Variants in TNN observed in about 807,000 individuals in gnomAD.
TNN encodes the protein tenascin N, also known as tenascin-N.
In TNN, 122 loss-of-function variants were observed where a neutral mutation model predicts 134.4. The ratio of observed to expected loss-of-function variants is 0.91; its 90% CI spans 0.78 to 1.06. TNN has a LOEUF of 1.06. Ranked by LOEUF, TNN falls within the 50% of genes least tolerant of loss-of-function variation. The probability of loss-of-function intolerance (pLI) is 0.00; values close to 1 mark genes in which losing one functional copy is unlikely to be tolerated. For missense variants in TNN, 1,739 were observed against 1,699.4 expected, an observed-to-expected ratio of 1.02 and a Z score of -0.41; for synonymous variants, 710 against 670.3, an observed-to-expected ratio of 1.06 and a Z score of -0.91.
At chr1:175,093,412 T>C (rs1334595256) in intron 6 of TNN, among the ~76,000 whole-genome samples, 1 of 152,250 alleles carries the variant, frequency 6.6e-6, no homozygotes, top group East Asian at 1.9e-4. Flanking sequence ...TTGACTGTTT[T>C]GCTCATTGAT....
chr1:175,126,721 T>C (rs921010364), intron 12 of TNN, among the ~76,000 whole-genome samples: 2 of 152,172 alleles, frequency 1.3e-5, no homozygotes, highest in Admixed American at 6.5e-5. Context: ...CCCAGATTCC[T>C]TTCCTCTGGG....
chr1:175,114,690 T>C (rs1253309823), intron 9 of TNN, among the ~76,000 whole-genome samples: 2 of 152,098 alleles, frequency 1.3e-5, no homozygotes, highest in Non-Finnish European at 2.9e-5. Flanking sequence ...TTTGTAACTG[T>C]AATTCTACCC....
intron 6 of TNN, among the ~76,000 whole-genome samples, chr1:175,089,699 C>T (rs897590603): frequency 3.9e-5 from 6 of 152,170 alleles, no homozygotes; most frequent in Non-Finnish European, 8.8e-5. Context: ...GTGTATAAAA[C>T]AAAGCATGCT....
At chr1:175,127,128 G>T in intron 13 of TNN, 43 bp downstream of exon 13, 1 of 1,596,604 alleles carries the variant, frequency 6.3e-7, no homozygotes, top group Non-Finnish European at 8.5e-7. Context: ...CTTCTCTTCT[G>T]TGTGAAGCAA....
At position 175,083,943 on chromosome 1, in the gene TNN, C is replaced by A. The variant is rs995396538; in HGVS notation, c.1234+8C>A. 1.9e-6 allele frequency: 3 copies of A among 1,612,818 alleles called. No homozygotes were observed. Among genetic ancestry groups the A allele is most frequent in the African/African-American group, 2.7e-5 (2 of 74,894 alleles). ...GCCGATATGACATCACTGGTAAGAG[C>A]CATCACTGGAATGTGAGATGTATGC... On this transcript the variant is annotated splice_region_variant and intron_variant, in intron 5 of 18. Transcript: ENST00000239462.
rs150358275 is a variant in TNN at position 175,106,168 on chromosome 1, C to T, written c.2119+7573C>T. ...CCCTTACTGACGCATTCTCAAAAAC[C>T]TGTTAGAGTCCTAAGCATTCTCCTG... is the stretch of plus-strand genomic sequence containing the variant. On this transcript the variant is annotated intron_variant, in intron 9 of 18. Coordinates refer to ENST00000239462, the MANE Select transcript of TNN (RefSeq NM_022093.2). Among the ~76,000 whole-genome samples the T allele has an allele frequency of 9.8e-3, 1,421 of 145,586 alleles. 122 individuals carry two copies. The highest frequency in any genetic ancestry group is 0.033 in the African/African-American group (1,316 of 40,460).
At chr1:175,074,484 G>GAAAAAA (rs55952749) in intron 1 of TNN, among the ~76,000 whole-genome samples, 16 of 119,042 alleles carry the variant, frequency 1.3e-4, no homozygotes, top group East Asian at 5.9e-4. Flanking sequence ...GATCCTGTCT[G>GAAAAAA]AAAAAAAAAA....
intron 7 of TNN, among the ~76,000 whole-genome samples, chr1:175,096,541 A>G (rs911846926): frequency 6.6e-6 from 1 of 152,194 alleles, no homozygotes; most frequent in African/African-American, 2.4e-5. Context: ...CAAAAAGTAC[A>G]GCCTTTTTTG....
At chr1:175,085,109 A>G (rs1222412821) in intron 5 of TNN, among the ~76,000 whole-genome samples, 2 of 152,236 alleles carry the variant, frequency 1.3e-5, no homozygotes, top group African/African-American at 4.8e-5. Context: ...AAAATTGGGA[A>G]ATAAGTGCTA....
rs182989255 is a variant in TNN at position 175,118,452 on chromosome 1, C to T, written c.2387-109C>T. ...AAAAATGAAACAAGAGCATATGAGG[C>T]GGAAACCCCACACAACATGAAAGGG... On this transcript the variant is annotated intron_variant, in intron 10 of 18. Coordinates refer to ENST00000239462, the MANE Select transcript of TNN (RefSeq NM_022093.2). The T allele has an allele frequency of 9.8e-6, 13 of 1,333,306 alleles. No homozygotes were observed. The Admixed American group carries it at 2.0e-4, about 20-fold the overall frequency. The allele number at this position is 1,333,306 out of a possible 1,614,324, so 82.6% of individuals were successfully genotyped here.
At chr1:175,137,843 C>T (rs542898443) in intron 17 of TNN, among the ~76,000 whole-genome samples, 1 of 152,282 alleles carries the variant, frequency 6.6e-6, no homozygotes, top group African/African-American at 2.4e-5. Flanking sequence ...TAAGACATGG[C>T]GGTCTCTCTC....
At chr1:175,137,267 C>T (rs1178145653) in intron 17 of TNN, among the ~76,000 whole-genome samples, 1 of 151,878 alleles carries the variant, frequency 6.6e-6, no homozygotes, top group Non-Finnish European at 1.5e-5. Flanking sequence ...GGCTGTTGTA[C>T]ATTAGCTGAT....
At chr1:175,082,378 C>G (rs1003108537) in intron 4 of TNN, among the ~76,000 whole-genome samples, 1 of 152,226 alleles carries the variant, frequency 6.6e-6, no homozygotes, top group African/African-American at 2.4e-5. Flanking sequence ...ACAAGAGGTA[C>G]TCATCCCCAC....
At chr1:175,071,845 T>C (rs1034885254) in intron 1 of TNN, among the ~76,000 whole-genome samples, 1 of 152,228 alleles carries the variant, frequency 6.6e-6, no homozygotes, top group Admixed American at 6.5e-5. Context: ...GTCCATTATC[T>C]AATAAGCACA....
At position 175,127,079 on chromosome 1, in the gene TNN, AGT is replaced by A; in HGVS notation, c.3040_3041del (p.Val1014Ter). The A allele has an allele frequency of 1.9e-6, 3 of 1,613,710 alleles. No individual in the cohort carries two copies. Among genetic ancestry groups the A allele is most frequent in the Non-Finnish European group, 2.5e-6 (3 of 1,179,864 alleles). The part of the protein sequence containing the change: ...ILTYQFPDGT[V>X]KEMQLGREDQ... The stretch of plus-strand genomic sequence containing the variant: ...TGACTTACCAGTTCCCAGATGGCAC[AGT>A]TAAGGTACGGGGATTCCTTGTCTTT... On this transcript the variant is annotated frameshift_variant, in exon 13 of 19. Coordinates refer to ENST00000239462, the MANE Select transcript of TNN (RefSeq NM_022093.2). LOFTEE classifies it high-confidence loss of function.
rs1281286823 is a variant in TNN at position 175,098,459 on chromosome 1, C to A, written c.1983C>A (p.Thr661=). The A allele has an allele frequency of 6.2e-7, 1 of 1,614,118 alleles. No individual in the cohort carries two copies. The highest frequency in any genetic ancestry group is 8.5e-7 in the Non-Finnish European group (1 of 1,180,024). ...GCTACACCTCTGCTGGTGGAGAGAC[C>A]AGGGAGGTTCCGGTGGGGAAGGAGC... is the stretch of plus-strand genomic sequence containing the variant. ...VVRYTSAGGE[T]REVPVGKEQS... Residue 661 remains threonine (T), a synonymous_variant, in exon 9 of 19, where the codon ACC becomes ACA. Coordinates refer to ENST00000239462, the MANE Select transcript of TNN (RefSeq NM_022093.2).
At position 175,097,459 on chromosome 1, in the gene TNN, A is replaced by G. The variant is rs763329710; in HGVS notation, c.1631A>G (p.Glu544Gly). The stretch of plus-strand genomic sequence containing the variant: ...AACCTGGTGACTGACCGGGTGACTG[A>G]GAATACCGCCACCATCTCCTGGGAC... ...PANLVTDRVT[E>G]NTATISWDPV... The change falls in exon 8 of 19, where the codon GAG (glutamate) becomes GGG (glycine). Residue 544 changes from glutamate (E) to glycine (G), a missense_variant. Transcript: ENST00000239462. 2 of 1,614,258 alleles carry G rather than the reference A, an allele frequency of 1.2e-6. No individual in the cohort carries two copies. Among genetic ancestry groups the G allele is most frequent in the Non-Finnish European group, 1.7e-6 (2 of 1,180,054 alleles).
intron 15 of TNN, among the ~76,000 whole-genome samples, chr1:175,130,926 G>C (rs1023561007): frequency 2.0e-5 from 3 of 152,090 alleles, no homozygotes; most frequent in Non-Finnish European, 4.4e-5. Context: ...CAGACTCCTG[G>C]GGGTCATGCA....
intron 6 of TNN, among the ~76,000 whole-genome samples, chr1:175,092,295 C>G (rs12087824): frequency 0.55 from 83,375 of 152,002 alleles, 23,465 homozygotes; most frequent in African/African-American, 0.69. Context: ...TGTCCTCTTA[C>G]AGCCTGCTGG....
Sources: allele counts gnomAD v4.1 joint callset (sites outside exome capture counted in the v4.1 genomes callset), GRCh38; gene constraint gnomAD v4.1.1; transcripts MANE v1.5; gene names NCBI Gene and HGNC (gene_info 2026-07-23, HGNC 2026-07-21).